The following SGIP1 variants were observed in gnomAD, a reference collection of about 807,000 sequenced individuals.
SGIP1 encodes SH3-containing GRB2-like protein 3-interacting protein 1.
Under a neutral mutation model 107.5 loss-of-function variants are expected in SGIP1, and 38 were observed. That is an observed-to-expected ratio of 0.35 (90% CI 0.27 to 0.46). The LOEUF (loss-of-function observed/expected upper bound fraction) is 0.46, where lower values mean the gene tolerates loss of function less well. SGIP1 is among the 20% of genes least tolerant of loss of function. The probability of loss-of-function intolerance (pLI) is 1.00; values close to 1 mark genes in which losing one functional copy is unlikely to be tolerated. For missense variants in SGIP1, 929 were observed against 1,019.5 expected (o/e 0.91, Z 1.21); for synonymous variants, 365 against 366.1 (o/e 1.00, Z 0.03).
chr1:66,659,561 G>A (rs2080470283), intron 7 of SGIP1, among the ~76,000 whole-genome samples: 1 of 151,876 alleles, frequency 6.6e-6, no homozygotes, highest in Admixed American at 6.6e-5. Flanking sequence ...ATATTACAAG[G>A]CATAATTTTT....
intron 2 of SGIP1, 41 bp downstream of exon 2, chr1:66,625,951 G>A (rs1259125051): frequency 2.6e-5 from 40 of 1,525,066 alleles, no homozygotes; most frequent in Non-Finnish European, 3.4e-5. Flanking sequence ...GAAGCTATTT[G>A]CATAAGAGAT....
intron 1 of SGIP1, among the ~76,000 whole-genome samples, chr1:66,562,768 A>G (rs1247961726): frequency 6.6e-6 from 1 of 152,076 alleles, no homozygotes; most frequent in South Asian, 2.1e-4. Flanking sequence ...GAAAATTTTA[A>G]GTATTTAGGA....
At chr1:66,679,919 AC>A (rs778040675) in intron 14 of SGIP1, among the ~76,000 whole-genome samples, 167 bp downstream of exon 14, 52 of 152,238 alleles carry the variant, frequency 3.4e-4, no homozygotes, top group Admixed American at 1.2e-3. Context: ...ATTTTAAAGC[AC>A]CACTTCCAGG....
chr1:66,714,444 A>C (rs1298282088), intron 18 of SGIP1, among the ~76,000 whole-genome samples: 2 of 152,168 alleles, frequency 1.3e-5, no homozygotes, highest in African/African-American at 4.8e-5. Flanking sequence ...TTGTTGGCAT[A>C]CATTATTGTT....
In SGIP1 at chr1:66,672,032, G is replaced by C. The variant is rs767175643; in HGVS notation, c.560+37G>C. Reference sequence around the variant, plus strand: ...AGACATTAGTTGTGTTTTATGCAAGGCATCATGAACTTTTAACAATTAAGC... The same window carrying C: ...AGACATTAGTTGTGTTTTATGCAAGCCATCATGAACTTTTAACAATTAAGC... On this transcript the variant is annotated intron_variant, in intron 11 of 24. Coordinates refer to ENST00000371037, the MANE Select transcript of SGIP1 (RefSeq NM_032291.4). The C allele has an allele frequency of 6.9e-6, 11 of 1,600,538 alleles. No homozygotes were observed. The South Asian group carries it at 8.9e-5, about 13-fold the overall frequency.
intron 3 of SGIP1, among the ~76,000 whole-genome samples, chr1:66,634,917 G>A (rs867808049): frequency 3.9e-5 from 6 of 152,116 alleles, no homozygotes; most frequent in Admixed American, 1.3e-4. Context: ...CAGAGATACC[G>A]ACCTGATTTT....
intron 7 of SGIP1, among the ~76,000 whole-genome samples, chr1:66,656,481 C>T (rs532218227): frequency 7.2e-5 from 11 of 152,316 alleles, no homozygotes; most frequent in Admixed American, 2.6e-4. Flanking sequence ...GGTTTGTTTA[C>T]GCCAGCATCA....
chr1:66,638,885 C>T (rs1022449852), intron 4 of SGIP1, among the ~76,000 whole-genome samples: 3 of 152,136 alleles, frequency 2.0e-5, no homozygotes, highest in African/African-American at 4.8e-5. Flanking sequence ...ATCTGCTATG[C>T]GCAGTGACAT....
chr1:66,644,431 C>A (rs2077304797), intron 7 of SGIP1, among the ~76,000 whole-genome samples: 1 of 151,696 alleles, frequency 6.6e-6, no homozygotes, highest in Admixed American at 6.6e-5. Context: ...TTGCTGAATT[C>A]TGGGTTCCAA....
Position 66,592,596 on chromosome 1 carries a change from T to A in SGIP1, c.11-33251T>A, listed in dbSNP as rs151050714. Among the ~76,000 whole-genome samples, 880 of 152,328 alleles carry A rather than the reference T, an allele frequency of 5.8e-3. 11 individuals carry two copies. Among genetic ancestry groups the A allele is most frequent in the African/African-American group, 0.02 (825 of 41,578 alleles). ...ACATTTATAAACCTACATAGACACA[T>A]CATTCTCCTTCAAAGTTCATAGTTT... On this transcript the variant is annotated intron_variant, in intron 1 of 24. Transcript: ENST00000371037.
chr1:66,661,606 G>A (rs2081490986), intron 8 of SGIP1, among the ~76,000 whole-genome samples: 1 of 152,210 alleles, frequency 6.6e-6, no homozygotes, highest in Admixed American at 6.5e-5. Context: ...CCGCTTCTGA[G>A]TAATTCAGAG....
chr1:66,630,841 A>AAGAGAGAGAGAGAGAGAGAGAGAG (rs1427132139), intron 2 of SGIP1, among the ~76,000 whole-genome samples: 1 of 17,958 alleles, frequency 5.6e-5, no homozygotes, highest in African/African-American at 2.8e-4. Flanking sequence ...GAAAGAAAGA[A>AAGAGAGAGAGAGAGAGAGAGAGAG]AGAAAGAAAG....
chr1:66,718,217 A>G (rs892187262), intron 18 of SGIP1, among the ~76,000 whole-genome samples: 1 of 152,154 alleles, frequency 6.6e-6, no homozygotes, highest in Non-Finnish European at 1.5e-5. Flanking sequence ...TAAGTAGTCT[A>G]TGCTGGGAGT....
chr1:66,720,222 A>G (rs544247702), intron 19 of SGIP1, among the ~76,000 whole-genome samples: 10 of 152,188 alleles, frequency 6.6e-5, no homozygotes, highest in African/African-American at 1.2e-4. Context: ...ATCACTTAAC[A>G]AAGAGATTTG....
intron 1 of SGIP1, among the ~76,000 whole-genome samples, chr1:66,579,661 C>T (rs1319265882): frequency 6.6e-6 from 1 of 152,138 alleles, no homozygotes; most frequent in Admixed American, 6.5e-5. Context: ...CCACCCTTGC[C>T]TTGGCTCCTT....
intron 15 of SGIP1, among the ~76,000 whole-genome samples, chr1:66,683,330 G>A (rs2087251694): frequency 6.6e-6 from 1 of 152,138 alleles, no homozygotes; most frequent in African/African-American, 2.4e-5. Context: ...TCCTTTTGCT[G>A]TGAAAGAGGC....
intron 7 of SGIP1, among the ~76,000 whole-genome samples, chr1:66,646,442 A>G (rs1358680312): frequency 2.0e-5 from 3 of 152,260 alleles, no homozygotes; most frequent in Admixed American, 2.0e-4. Flanking sequence ...TAAATTATTC[A>G]TAACAATGGT....
rs17129379 is a variant in SGIP1, at chr1:66,715,348, G to A, written c.1631-3946G>A. 7.2e-3 allele frequency among the ~76,000 whole-genome samples: 1,091 copies of A among 152,182 alleles called. 15 individuals are homozygous for A. The highest frequency in any genetic ancestry group is 0.025 in the African/African-American group (1,034 of 41,540). ...GGGTTGTAAATTTTGGATCCTTAAA[G>A]ATAAGAAGGTTCTTTAAATGTTTGT... On this transcript the variant is annotated intron_variant, in intron 18 of 24. Coordinates refer to ENST00000371037, the MANE Select transcript of SGIP1 (RefSeq NM_032291.4).
chr1:66,555,230 A>G (rs189183952), intron 1 of SGIP1, among the ~76,000 whole-genome samples: 2 of 152,208 alleles, frequency 1.3e-5, no homozygotes, highest in East Asian at 1.9e-4. Flanking sequence ...TCATATACAT[A>G]GTGCTCACTT....
Sources: gnomAD v4.1 joint callset for allele counts (sites outside exome capture counted in the v4.1 genomes callset) on GRCh38, gnomAD v4.1.1 for gene constraint, MANE v1.5 for transcripts, NCBI Gene and HGNC (gene_info 2026-07-23, HGNC 2026-07-21) for gene names.